SH3BP4: variants seen among roughly 807,000 people sequenced by gnomAD.
The protein encoded by SH3BP4 is SH3 domain binding protein 4.
A neutral mutation model predicts 65.5 loss-of-function variants in SH3BP4; 33 were observed. The ratio of observed to expected loss-of-function variants is 0.50; its 90% CI spans 0.38 to 0.67. The LOEUF (loss-of-function observed/expected upper bound fraction) is 0.67, where lower values mean the gene tolerates loss of function less well. SH3BP4 is among the 30% of genes least tolerant of loss of function. The probability of loss-of-function intolerance (pLI) is 0.00; values close to 1 mark genes in which losing one functional copy is unlikely to be tolerated. For missense variants in SH3BP4, 1,134 were observed against 1,261.4 expected (o/e 0.90, Z 1.53); for synonymous variants, 552 against 545.5 (o/e 1.01, Z -0.17).
intron 2 of SH3BP4, among the ~76,000 whole-genome samples, chr2:235,022,348 G>A (rs1364613865): frequency 6.6e-6 from 1 of 152,088 alleles, no homozygotes; most frequent in African/African-American, 2.4e-5. Flanking sequence ...GAGGTCAGGG[G>A]TTTGAGACCA....
chr2:235,040,202 G>A (rs551580456), intron 3 of SH3BP4, among the ~76,000 whole-genome samples: 4 of 152,234 alleles, frequency 2.6e-5, no homozygotes, highest in South Asian at 2.1e-4. Flanking sequence ...GTCAATACAT[G>A]CCAGCCTGGG....
intron 1 of SH3BP4, among the ~76,000 whole-genome samples, chr2:234,982,540 C>G (rs1160545282): frequency 6.6e-6 from 1 of 152,140 alleles, no homozygotes; most frequent in Non-Finnish European, 1.5e-5. Context: ...AACTCACGCA[C>G]AGGGAGGAAG....
intron 2 of SH3BP4, among the ~76,000 whole-genome samples, chr2:235,018,364 T>C (rs1694753370): frequency 6.6e-6 from 1 of 151,876 alleles, no homozygotes; most frequent in Non-Finnish European, 1.5e-5. Context: ...GTACAGGCTG[T>C]CCCTCCCAGG....
In SH3BP4 at chr2:234,997,345, G is replaced by A. The variant is rs998617190; in HGVS notation, c.-133+1969G>A. Among the ~76,000 whole-genome samples the A allele has an allele frequency of 7.2e-5, 11 of 152,292 alleles. No homozygotes were observed. In the East Asian group the frequency reaches 1.3e-3, roughly 19 times the overall value. ...CCCAGGGTTTCCATTTCCAGGCCCC[G>A]AGTTTTGTCCGTGGCAAATTTCGTG... On this transcript the variant is annotated intron_variant, in intron 2 of 5. Transcript: ENST00000392011. The surrounding 1 kb of genome is among the most constrained non-coding windows in gnomAD (Gnocchi z 4.2).
At chr2:235,022,027 A>G (rs1421538703) in intron 2 of SH3BP4, among the ~76,000 whole-genome samples, 1 of 152,218 alleles carries the variant, frequency 6.6e-6, no homozygotes, top group African/African-American at 2.4e-5. Flanking sequence ...AAAGGAAAAT[A>G]GATGTGAATG....
At chr2:235,009,201 G>A (rs1482554369) in intron 2 of SH3BP4, among the ~76,000 whole-genome samples, 1 of 152,172 alleles carries the variant, frequency 6.6e-6, no homozygotes, top group Admixed American at 6.5e-5. Flanking sequence ...TGCTCTCTGG[G>A]CCCTCCTGCT....
chr2:234,952,045 G>C lies in SH3BP4; in HGVS notation c.-332G>C, dbSNP rs1397577168. 1.4e-5 allele frequency: 2 copies of C among 147,080 alleles called. No individual in the cohort carries two copies. The highest frequency in any genetic ancestry group is 2.5e-5 in the African/African-American group (1 of 40,720). 9.1% of individuals were successfully genotyped at this position (147,080 alleles called of 1,614,324 possible). A position where few individuals can be genotyped will look rare whatever the true frequency, so the allele number is the denominator to read the frequency against. On this transcript the variant is annotated 5_prime_UTR_variant, in exon 1 of 6. Coordinates refer to ENST00000392011, the MANE Select transcript of SH3BP4 (RefSeq NM_014521.3). This position sits in a 1 kb window ranked among gnomAD's most constrained non-coding sequence, Gnocchi z 6.5. Reference sequence around the variant, plus strand: ...GCGCCCGGCACTCTCGGCGGTCCGGGCCCCTCGCCACTACCGCCGCCGCCG... The same window carrying C: ...GCGCCCGGCACTCTCGGCGGTCCGGCCCCCTCGCCACTACCGCCGCCGCCG...
At chr2:234,985,291 T>C (rs73124248) in intron 1 of SH3BP4, among the ~76,000 whole-genome samples, 1,763 of 152,274 alleles carry the variant, frequency 0.012, 40 homozygotes, top group African/African-American at 0.037. Flanking sequence ...TCCACCAAGA[T>C]TTGAGTCACC....
At chr2:234,969,841 A>G (rs546265579) in intron 1 of SH3BP4, among the ~76,000 whole-genome samples, 21 of 152,218 alleles carry the variant, frequency 1.4e-4, no homozygotes, top group Middle Eastern at 6.8e-3. Context: ...GCTTGCGCGC[A>G]CACACACACC....
intron 1 of SH3BP4, among the ~76,000 whole-genome samples, chr2:234,989,280 G>C (rs1476460423): frequency 6.6e-6 from 1 of 152,240 alleles, no homozygotes; most frequent in East Asian, 1.9e-4. Flanking sequence ...AGCGGGGCCA[G>C]AGATGCCTCC....
Position 235,034,539 on chromosome 2 carries a change from G to T in SH3BP4, c.-132-332G>T, listed in dbSNP as rs750407543. 1.3e-5 allele frequency among the ~76,000 whole-genome samples: 2 copies of T among 152,228 alleles called. No individual in the cohort carries two copies. Among genetic ancestry groups the T allele is most frequent in the Non-Finnish European group, 2.9e-5 (2 of 68,054 alleles). On this transcript the variant is annotated intron_variant, in intron 2 of 5. Transcript: ENST00000392011. This position sits in a 1 kb window ranked among gnomAD's most constrained non-coding sequence, Gnocchi z 6.2. The stretch of plus-strand genomic sequence containing the variant: ...AGCATGAACTGTACAGTCCTGCGCT[G>T]TCCTCCTCTTTGACTGTAATGAATG...
chr2:235,025,858 A>T (rs1182678545), intron 2 of SH3BP4, among the ~76,000 whole-genome samples: 1 of 152,094 alleles, frequency 6.6e-6, no homozygotes, highest in East Asian at 1.9e-4. Flanking sequence ...AGAAATGGGG[A>T]GCCCTGTTGG....
chr2:234,969,828 C>T (rs184803608), intron 1 of SH3BP4, among the ~76,000 whole-genome samples: 1 of 152,310 alleles, frequency 6.6e-6, no homozygotes, highest in African/African-American at 2.4e-5. Context: ...GGCTGAGACG[C>T]GTGCTTGCGC....
chr2:234,975,628 C>T (rs1437400137), intron 1 of SH3BP4, among the ~76,000 whole-genome samples: 4 of 152,224 alleles, frequency 2.6e-5, no homozygotes, highest in Non-Finnish European at 5.9e-5. Context: ...GTAATCCCAA[C>T]ACTTCAGGAG....
At position 235,046,013 on chromosome 2, in the gene SH3BP4, C is replaced by T. The variant is rs530776334; in HGVS notation, c.2478+2766C>T. Among the ~76,000 whole-genome samples the T allele has an allele frequency of 6.6e-6, 1 of 152,330 alleles. No individual in the cohort carries two copies. The highest frequency in any genetic ancestry group is 2.1e-4 in the South Asian group (1 of 4,820). On this transcript the variant is annotated intron_variant, in intron 4 of 5. Transcript: ENST00000392011. The surrounding 1 kb of genome is among the most constrained non-coding windows in gnomAD (Gnocchi z 4.2). ...ACGGGGTCAGCCTTTGCCCCTGCCC[C>T]ACAAAGTCGTGTAAGATCTGGCCCT... is the stretch of plus-strand genomic sequence containing the variant.
rs1450528312 is a variant in SH3BP4 at position 235,045,687 on chromosome 2, C to T, written c.2478+2440C>T. On this transcript the variant is annotated intron_variant, in intron 4 of 5. Coordinates refer to ENST00000392011, the MANE Select transcript of SH3BP4 (RefSeq NM_014521.3). This position sits in a 1 kb window ranked among gnomAD's most constrained non-coding sequence, Gnocchi z 4.3. ...AACCACAGACGGATTTCTCCCAGGT[C>T]GTTTATTAGGAGACCCTGAAAACTG... Among the ~76,000 whole-genome samples the T allele has an allele frequency of 6.7e-6, 1 of 149,336 alleles. No homozygotes were observed. The highest frequency in any genetic ancestry group is 6.6e-5 in the Admixed American group (1 of 15,040).
At chr2:234,982,536 C>T (rs930592404) in intron 1 of SH3BP4, among the ~76,000 whole-genome samples, 2 of 152,148 alleles carry the variant, frequency 1.3e-5, no homozygotes, top group Admixed American at 6.5e-5. Flanking sequence ...CAGAAACTCA[C>T]GCACAGGGAG....
At position 234,957,359 on chromosome 2, in the gene SH3BP4, T is replaced by G. The variant is rs751768494; in HGVS notation, c.-207+5189T>G. ...AGTTTGGGCTGGGAACATTACTAAATAGTTAACAATCTGTGTGAGCCAAGA... is the reference window on the plus strand; with the variant it reads ...AGTTTGGGCTGGGAACATTACTAAAGAGTTAACAATCTGTGTGAGCCAAGA... On this transcript the variant is annotated intron_variant, in intron 1 of 5. Transcript: ENST00000392011. 5.9e-5 allele frequency among the ~76,000 whole-genome samples: 9 copies of G among 151,956 alleles called. 1 individual carries two copies. The East Asian group carries it at 1.6e-3, about 26-fold the overall frequency.
rs540312491 is a variant in SH3BP4 at position 235,041,066 on chromosome 2, C to G, written c.297C>G (p.Thr99=). ...AGTGGTGGTACGCACACAACACCAC[C>G]GAAATGGGCTACATCCCCTCCTCCT... ...GGEWWYAHNT[T]EMGYIPSSYV... Residue 99 remains threonine, a synonymous_variant, in exon 4 of 6, where the codon ACC becomes ACG. Coordinates refer to ENST00000392011, the MANE Select transcript of SH3BP4 (RefSeq NM_014521.3). The surrounding 1 kb of genome is among the most constrained non-coding windows in gnomAD (Gnocchi z 6.0). 1.2e-6 allele frequency: 2 copies of G among 1,614,102 alleles called. No individual in the cohort carries two copies. The highest frequency in any genetic ancestry group is 8.5e-7 in the Non-Finnish European group (1 of 1,179,998).
Sources: gnomAD v4.1 joint callset for allele counts (sites outside exome capture counted in the v4.1 genomes callset) on GRCh38, gnomAD v4.1.1 for gene constraint, Gnocchi (gnomAD v3.1) non-coding constraint, MANE v1.5 for transcripts, NCBI Gene and HGNC (gene_info 2026-07-23, HGNC 2026-07-21) for gene names.